Variants in AAGAB observed in about 807,000 individuals in gnomAD.
AAGAB encodes the protein alpha- and gamma-adaptin-binding protein p34.
AAGAB carries 38 observed loss-of-function variants against 44.1 expected under a neutral mutation model. The observed-to-expected ratio is 0.86, with a 90% CI of 0.67 to 1.13. The LOEUF is 1.13. Among genes scored for constraint, AAGAB ranks in the 50% most tolerant of loss-of-function variants. The pLI, the probability that AAGAB is intolerant of heterozygous loss-of-function variation, is 0.00. For missense variants in AAGAB, 450 were observed against 373.8 expected (o/e 1.20, Z -1.68); for synonymous variants, 131 against 131.8 (o/e 0.99, Z 0.04).
chr15:67,223,023 T>C (rs540925333), intron 5 of AAGAB, among the ~76,000 whole-genome samples: 19 of 152,324 alleles, frequency 1.2e-4, no homozygotes, highest in Admixed American at 8.5e-4. Flanking sequence ...CCTTCCACCT[T>C]GAAACACTCT....
intron 7 of AAGAB, among the ~76,000 whole-genome samples, chr15:67,206,401 A>C (rs1161005241): frequency 6.6e-6 from 1 of 152,206 alleles, no homozygotes; most frequent in East Asian, 1.9e-4. Context: ...GTAATAAATA[A>C]ACATCTTGAG....
At chr15:67,204,323 G>A (rs1963638092) in intron 7 of AAGAB, among the ~76,000 whole-genome samples, 175 bp from the exon 8 acceptor site, 1 of 152,112 alleles carries the variant, frequency 6.6e-6, no homozygotes, top group Non-Finnish European at 1.5e-5. Context: ...CCTCACAAAT[G>A]AAGAGTAACT....
Position 67,251,230 on chromosome 15 carries a change from G to GTC in AAGAB, c.73+3328_73+3329insGA, listed in dbSNP as rs1555421187. On this transcript the variant is annotated intron_variant, in intron 1 of 9. Transcript: ENST00000261880. ...ATTTTAAGTGCGTGTGTGTGTGTGT[G>GTC]TGTGTCTGTGTGTGTGTGTGTGTGT... Among the ~76,000 whole-genome samples, 17 of 129,072 alleles carry GTC rather than the reference G, an allele frequency of 1.3e-4. No homozygotes were observed. In the East Asian group the frequency reaches 2.3e-3, roughly 18 times the overall value. 84.7% of individuals were successfully genotyped at this position (129,072 alleles called of 152,430 possible).
At chr15:67,251,137 C>CA (rs1201074984) in intron 1 of AAGAB, among the ~76,000 whole-genome samples, 1 of 152,040 alleles carries the variant, frequency 6.6e-6, no homozygotes, top group East Asian at 1.9e-4. Context: ...CTTTGAGTGA[C>CA]AAAAAGAAAA....
In AAGAB at chr15:67,202,592, A is replaced by G. The variant is rs1238774351; in HGVS notation, c.*229T>C. 4 of 500,160 alleles carry G rather than the reference A, an allele frequency of 8.0e-6. No homozygotes were observed. The highest frequency in any genetic ancestry group is 1.4e-5 in the Non-Finnish European group (4 of 282,030). The allele number at this position is 500,160 out of a possible 1,614,324, so 31.0% of individuals were successfully genotyped here. On this transcript the variant is annotated 3_prime_UTR_variant, in exon 10 of 10. Coordinates refer to ENST00000261880, the MANE Select transcript of AAGAB (RefSeq NM_024666.5). ...AGAACAAAAAAAAAGTATATTTAAG[A>G]AATCCTCACTCATTACTATCACTGT...
At chr15:67,255,155 G>C (rs1965097274), upstream of AAGAB, 2 of 600,848 alleles carry the variant, frequency 3.3e-6, no homozygotes, top group East Asian at 5.6e-5. Context: ...TTACGCCCCA[G>C]AAGCAGGACT....
intron 5 of AAGAB, among the ~76,000 whole-genome samples, chr15:67,224,583 T>C (rs936510357): frequency 6.6e-5 from 10 of 151,134 alleles, no homozygotes; most frequent in African/African-American, 9.7e-5. Flanking sequence ...TCTTTTTCTT[T>C]TCTTTTTTTT....
In AAGAB at chr15:67,227,377, G is replaced by A. The variant is rs140973165; in HGVS notation, c.535+4437C>T. On this transcript the variant is annotated intron_variant, in intron 5 of 9. Coordinates refer to ENST00000261880, the MANE Select transcript of AAGAB (RefSeq NM_024666.5). ...ACTTTTTAATTAAAAAAACTTTTTGGTTTAAAAATTTTTATTAGTGGCAAC... is the reference window on the plus strand; with the variant it reads ...ACTTTTTAATTAAAAAAACTTTTTGATTTAAAAATTTTTATTAGTGGCAAC... Among the ~76,000 whole-genome samples, 4 of 151,166 alleles carry A rather than the reference G, an allele frequency of 2.6e-5. No individual in the cohort carries two copies. The East Asian group carries it at 7.7e-4, about 29-fold the overall frequency.
At chr15:67,253,512 G>A (rs755565929) in intron 1 of AAGAB, among the ~76,000 whole-genome samples, 30 of 151,974 alleles carry the variant, frequency 2.0e-4, no homozygotes, top group Admixed American at 1.8e-3. Context: ...TCAGCACTTA[G>A]GGCGGCCAAG....
Position 67,201,393 on chromosome 15 carries a change from T to G in AAGAB, c.*1428A>C, listed in dbSNP as rs1405790415. 6.6e-6 allele frequency: 1 copy of G among 152,410 alleles called. No individual in the cohort carries two copies. Among genetic ancestry groups the G allele is most frequent in the East Asian group, 1.9e-4 (1 of 5,318 alleles). 9.4% of individuals were successfully genotyped at this position (152,410 alleles called of 1,614,324 possible). A position where few individuals can be genotyped will look rare whatever the true frequency, so the allele number is the denominator to read the frequency against. On this transcript the variant is annotated 3_prime_UTR_variant, in exon 10 of 10. Transcript: ENST00000261880. The stretch of plus-strand genomic sequence containing the variant: ...TCACTGAGCTGTCCCCTCCCTGTGG[T>G]CACTCCTGCTGGCCCCTGTAGCATT...
chr15:67,253,452 G>T (rs193223556), intron 1 of AAGAB, among the ~76,000 whole-genome samples: 30 of 151,966 alleles, frequency 2.0e-4, no homozygotes, highest in Admixed American at 1.5e-3. Flanking sequence ...AAAAAGGAGA[G>T]AAAAGAGAAA....
rs1194096695 is a variant in AAGAB at position 67,236,185 on chromosome 15, G to C, written c.362-117C>G. The C allele has an allele frequency of 1.1e-5, 10 of 888,186 alleles. No individual in the cohort carries two copies. In the East Asian group the frequency reaches 2.1e-4, roughly 19 times the overall value. The allele number at this position is 888,186 out of a possible 1,614,324, so 55.0% of individuals were successfully genotyped here. A position where few individuals can be genotyped will look rare whatever the true frequency, so the allele number is the denominator to read the frequency against. On this transcript the variant is annotated intron_variant, in intron 3 of 9. Coordinates refer to ENST00000261880, the MANE Select transcript of AAGAB (RefSeq NM_024666.5). ...CCTTAATGTCAATGTTATTCTAAAG[G>C]CATCTAAAATAATAAAAAGAAAATG... is the stretch of plus-strand genomic sequence containing the variant.
chr15:67,250,630 T>C (rs997362578), intron 1 of AAGAB, among the ~76,000 whole-genome samples: 4 of 152,172 alleles, frequency 2.6e-5, no homozygotes, highest in Non-Finnish European at 2.9e-5. Flanking sequence ...TTTTGTAAAA[T>C]ATATGTGAGG....
chr15:67,208,370 C>A (rs950958444), intron 7 of AAGAB, among the ~76,000 whole-genome samples, 192 bp downstream of exon 7: 1 of 152,208 alleles, frequency 6.6e-6, no homozygotes, highest in African/African-American at 2.4e-5. Context: ...ATGGTACCCA[C>A]ATATTTGTTA....
At chr15:67,243,601 C>A (rs1964655388) in intron 1 of AAGAB, among the ~76,000 whole-genome samples, 1 of 152,156 alleles carries the variant, frequency 6.6e-6, no homozygotes, top group South Asian at 2.1e-4. Flanking sequence ...CACAAGACAG[C>A]CCCACAAGAC....
Position 67,209,466 on chromosome 15 carries a change from G to C in AAGAB, c.614C>G (p.Pro205Arg), listed in dbSNP as rs752636792. The change falls in exon 6 of 10, where the codon CCA becomes CGA. Residue 205 changes from proline to arginine, a missense_variant. By Grantham distance (103) the Pro-to-Arg change is moderately radical (BLOSUM62 -2). Coordinates refer to ENST00000261880, the MANE Select transcript of AAGAB (RefSeq NM_024666.5). ...HSIGSADPCH[P>R]EQPHLPAADS... The stretch of plus-strand genomic sequence containing the variant: ...AGATCCAAGAAAAACCTTTACCTCT[G>C]GGTGACAGGGATCTGCTGACCCAAT... The C allele has an allele frequency of 6.2e-7, 1 of 1,613,654 alleles. No individual in the cohort carries two copies. Among genetic ancestry groups the C allele is most frequent in the Non-Finnish European group, 8.5e-7 (1 of 1,179,610 alleles).
chr15:67,211,754 C>T (rs1424180608), intron 5 of AAGAB, among the ~76,000 whole-genome samples: 1 of 152,188 alleles, frequency 6.6e-6, no homozygotes, highest in African/African-American at 2.4e-5. Flanking sequence ...TCTAATTCCA[C>T]AGCTTATATT....
chr15:67,238,365 T>C (rs1452550306), intron 1 of AAGAB, among the ~76,000 whole-genome samples: 2 of 152,186 alleles, frequency 1.3e-5, no homozygotes, highest in Non-Finnish European at 2.9e-5. Flanking sequence ...AGCTGCTATG[T>C]CCCTTATGGA....
chr15:67,242,429 C>CAAAAAAAAAAA (rs59817309), intron 1 of AAGAB, among the ~76,000 whole-genome samples: 1 of 58,756 alleles, frequency 1.7e-5, no homozygotes, highest in African/African-American at 5.5e-5. Context: ...GACTCCGTCT[C>CAAAAAAAAAAA]AAAAAAAAAA....
Sources: gnomAD v4.1 joint callset for allele counts (sites outside exome capture counted in the v4.1 genomes callset) on GRCh38, gnomAD v4.1.1 for gene constraint, MANE v1.5 for transcripts, NCBI Gene and HGNC (gene_info 2026-07-23, HGNC 2026-07-21) for gene names.